The following PSMG3 variants were observed in gnomAD, a reference collection of about 807,000 sequenced individuals.
PSMG3 encodes PAC-3.
In PSMG3, 4 loss-of-function variants were observed where a neutral mutation model predicts 7.9. That is an observed-to-expected ratio of 0.51 (90% CI 0.25 to 1.16). The LOEUF is 1.16. Ranked by LOEUF, PSMG3 falls within the 50% of genes most tolerant of loss-of-function variation. The pLI is 0.15. For synonymous variants in PSMG3, 81 were observed against 69.8 expected, an observed-to-expected ratio of 1.16 and a Z score of -0.80; for missense variants, 151 against 157.4, an observed-to-expected ratio of 0.96 and a Z score of 0.22.
Position 1,569,259 on chromosome 7 carries a change from G to A in PSMG3, c.81C>T (p.Ala27=), listed in dbSNP as rs1778832412. 1.2e-6 allele frequency: 2 copies of A among 1,613,622 alleles called. No homozygotes were observed. Among genetic ancestry groups the A allele is most frequent in the South Asian group, 1.1e-5 (1 of 91,080 alleles). The change falls in exon 1 of 2, where the codon GCC becomes GCT. Residue 27 remains alanine, a synonymous_variant. Transcript: ENST00000288607. ...CGVPTQVVCT[A]FSSHILVVVT... is the part of the protein sequence containing the mutation. ...CCACCACCAGGATGTGACTGCTGAA[G>A]GCCGTACACACCACCTGGGTGGGGA...
At chr7:1,568,568 C>T (rs10239460) in intron 1 of PSMG3, among the ~76,000 whole-genome samples, 11,350 of 151,852 alleles carry the variant, frequency 0.075, 586 homozygotes, top group Middle Eastern at 0.16. Flanking sequence ...AGGGCTCAAG[C>T]CATCCTCCCA....
At chr7:1,568,059 A>AT (rs971592935) in intron 1 of PSMG3, among the ~76,000 whole-genome samples, 3 of 151,404 alleles carry the variant, frequency 2.0e-5, no homozygotes, top group Admixed American at 6.6e-5. Context: ...CACTCCATTC[A>AT]TTTTCCCAGC....
chr7:1,568,996 TTGTG>T, intron 1 of PSMG3, 124 bp downstream of exon 1: 1 of 723,686 alleles, frequency 1.4e-6, no homozygotes, highest in Non-Finnish European at 2.4e-6. Flanking sequence ...TTGTAGTGAC[TTGTG>T]TGTGTGTTGT....
Position 1,567,540 on chromosome 7 carries a change from G to A in PSMG3, c.*158C>T. On this transcript the variant is annotated 3_prime_UTR_variant, in exon 2 of 2. Transcript: ENST00000288607. ...TGCACAGATGATCTTAGTAACCAGA[G>A]TAAGAGTCTGCCTGAGACACGAGTC... 3.0e-6 allele frequency: 2 copies of A among 662,860 alleles called. No individual in the cohort carries two copies. The highest frequency in any genetic ancestry group is 2.5e-6 in the Non-Finnish European group (1 of 392,282). The allele number at this position is 662,860 out of a possible 1,614,324, so 41.1% of individuals were successfully genotyped here.
chr7:1,568,014 A>G (rs1778806800), intron 1 of PSMG3, among the ~76,000 whole-genome samples, 164 bp from the exon 2 acceptor site: 1 of 152,092 alleles, frequency 6.6e-6, no homozygotes, highest in Non-Finnish European at 1.5e-5. Context: ...CAGCACTCAG[A>G]ACACTCCAGT....
rs764135993 is a variant in PSMG3 at position 1,569,341 on chromosome 7, G to A, written c.-2C>T. 3 of 1,598,290 alleles carry A rather than the reference G, an allele frequency of 1.9e-6. No individual in the cohort carries two copies. In the African/African-American group the frequency reaches 4.0e-5, roughly 21 times the overall value. On this transcript the variant is annotated 5_prime_UTR_variant, in exon 1 of 2. Transcript: ENST00000288607. ...TATCACCAACGGCGTGTCTTCCATG[G>A]CGGGGCTCTGCAGTGGCAGCTTTAA...
chr7:1,568,741 G>A (rs373096095), intron 1 of PSMG3, among the ~76,000 whole-genome samples: 1 of 152,046 alleles, frequency 6.6e-6, no homozygotes, highest in Non-Finnish European at 1.5e-5. Context: ...TCCGCCTCTC[G>A]GGTTCAAGCG....
rs60165118 is a variant in PSMG3 at position 1,569,605 on chromosome 7, CAAAAAAA to C, written c.-273_-267del. 7.8e-5 allele frequency: 8 copies of C among 102,128 alleles called. No homozygotes were observed. The highest frequency in any genetic ancestry group is 2.5e-4 in the South Asian group (1 of 3,986). 6.3% of individuals were successfully genotyped at this position (102,128 alleles called of 1,614,324 possible). On this transcript the variant is annotated 5_prime_UTR_variant, in exon 1 of 2. The change abolishes the stop of an existing upstream ORF in the 5' untranslated region. Coordinates refer to ENST00000288607, the MANE Select transcript of PSMG3 (RefSeq NM_032302.4). ...AACATAGCGAGACCCCCATCTCTAC[CAAAAAAA>C]AAAAAAAAAAAAACCAGCAGGGCGC...
Position 1,569,425 on chromosome 7 carries a change from TC to T in PSMG3, c.-87del. ...CAATCAAACAGTACAGCCTTGGGGC[TC>T]CCAAAAAAGTAGCACGGGGCATTGA... On this transcript the variant is annotated 5_prime_UTR_variant, in exon 1 of 2. The change abolishes the stop of an existing upstream ORF in the 5' untranslated region. Coordinates refer to ENST00000288607, the MANE Select transcript of PSMG3 (RefSeq NM_032302.4). The T allele has an allele frequency of 8.5e-7, 1 of 1,182,714 alleles. No homozygotes were observed. The highest frequency in any genetic ancestry group is 1.2e-6 in the Non-Finnish European group (1 of 861,928). 73.3% of individuals were successfully genotyped at this position (1,182,714 alleles called of 1,614,324 possible). A position where few individuals can be genotyped will look rare whatever the true frequency, so the allele number is the denominator to read the frequency against.
In PSMG3 at chr7:1,569,158, A is replaced by G. The variant is rs113125524; in HGVS notation, c.182T>C (p.Val61Ala). 6 of 1,613,528 alleles carry G rather than the reference A, an allele frequency of 3.7e-6. No individual in the cohort carries two copies. The highest frequency in any genetic ancestry group is 5.1e-6 in the Non-Finnish European group (6 of 1,180,030). The change falls in exon 1 of 2, where the codon GTG (valine) becomes GCG (alanine). Residue 61 changes from valine to alanine, a missense_variant. Val to Ala is a moderately conservative substitution (Grantham distance 64). Transcript: ENST00000288607. ...CCCCAGAAGGACTTTTGTGGTGAGCACAGGCTTGCTGACGTCACTGGCCAC... is the reference window on the plus strand; with the variant it reads ...CCCCAGAAGGACTTTTGTGGTGAGCGCAGGCTTGCTGACGTCACTGGCCAC... Reference protein sequence around the residue: ...SSVASDVSKPVLTTKVLLGQD... With the variant: ...SSVASDVSKPALTTKVLLGQD...
chr7:1,568,406 C>A (rs1329028227), intron 1 of PSMG3, among the ~76,000 whole-genome samples: 1 of 151,910 alleles, frequency 6.6e-6, no homozygotes, highest in Non-Finnish European at 1.5e-5. Context: ...CAAATCACAG[C>A]CACTGGAGAG....
rs1011766224 is a variant in PSMG3, at chr7:1,569,742, G to A, written c.-403C>T. ...ATCACACCATTGCATTACAACCCGG[G>A]CGGTAGAGCGAGACCCTGTCCGTAA... On this transcript the variant is annotated 5_prime_UTR_variant, in exon 1 of 2. Coordinates refer to ENST00000288607, the MANE Select transcript of PSMG3 (RefSeq NM_032302.4). 1 of 166,062 alleles carries A rather than the reference G, an allele frequency of 6.0e-6. No individual in the cohort carries two copies. Among genetic ancestry groups the A allele is most frequent in the Admixed American group, 6.0e-5 (1 of 16,594 alleles). The allele number at this position is 166,062 out of a possible 1,614,324, so 10.3% of individuals were successfully genotyped here. A position where few individuals can be genotyped will look rare whatever the true frequency, so the allele number is the denominator to read the frequency against.
Position 1,567,836 on chromosome 7 carries a change from GAC to G in PSMG3, c.229_230del (p.Val77LeufsTer60). 1.2e-6 allele frequency: 2 copies of G among 1,613,698 alleles called. No homozygotes were observed. The highest frequency in any genetic ancestry group is 2.2e-5 in the South Asian group (2 of 90,962). ...LLGQDEPLIH[V>X]FAKNLVAFVS... is the part of the protein sequence containing the mutation. Reference sequence around the variant, plus strand: ...CAAACGCTACCAGGTTCTTTGCAAAGACATGGATGAGAGGCTGGTAAAGGAAG... The same window carrying G: ...CAAACGCTACCAGGTTCTTTGCAAAGATGGATGAGAGGCTGGTAAAGGAAG... On this transcript the variant is annotated frameshift_variant, in exon 2 of 2. Transcript: ENST00000288607. LOFTEE classifies it high-confidence loss of function.
Position 1,569,999 on chromosome 7 carries a change from C to G in PSMG3, c.-660G>C, listed in dbSNP as rs1248377291. 1 of 151,974 alleles carries G rather than the reference C, an allele frequency of 6.6e-6. No homozygotes were observed. Among genetic ancestry groups the G allele is most frequent in the Non-Finnish European group, 1.5e-5 (1 of 67,970 alleles). The allele number at this position is 151,974 out of a possible 1,614,324, so 9.4% of individuals were successfully genotyped here. On this transcript the variant is annotated 5_prime_UTR_variant, in exon 1 of 2. Coordinates refer to ENST00000288607, the MANE Select transcript of PSMG3 (RefSeq NM_032302.4). ...GCCGCCCGGGGAAGCCCGCGGGTACCCGCGCTCACCAAGCCGGCGCCGCGC... is the reference window on the plus strand; with the variant it reads ...GCCGCCCGGGGAAGCCCGCGGGTACGCGCGCTCACCAAGCCGGCGCCGCGC...
In PSMG3 at chr7:1,569,736, A is replaced by G. The variant is rs1275817805; in HGVS notation, c.-397T>C. The G allele has an allele frequency of 1.2e-5, 2 of 166,864 alleles. No homozygotes were observed. Among genetic ancestry groups the G allele is most frequent in the African/African-American group, 4.8e-5 (2 of 41,870 alleles). 10.3% of individuals were successfully genotyped at this position (166,864 alleles called of 1,614,324 possible). Reference sequence around the variant, plus strand: ...GCCGTGATCACACCATTGCATTACAACCCGGGCGGTAGAGCGAGACCCTGT... The same window carrying G: ...GCCGTGATCACACCATTGCATTACAGCCCGGGCGGTAGAGCGAGACCCTGT... On this transcript the variant is annotated 5_prime_UTR_variant, in exon 1 of 2. Transcript: ENST00000288607.
chr7:1,569,290 C>T lies in PSMG3; in HGVS notation c.50G>A (p.Cys17Tyr). ...VISKQKTEVV[C>Y]GVPTQVVCTA... ...ACACACCACCTGGGTGGGGACCCCG[C>T]ACACCACCTCCGTCTTCTGCTTCGA... The change falls in exon 1 of 2, where the codon TGC (cysteine) becomes TAC (tyrosine). Residue 17 changes from cysteine (C) to tyrosine (Y), a missense_variant. Cys to Tyr is a radical substitution (Grantham distance 194, BLOSUM62 -2). Coordinates refer to ENST00000288607, the MANE Select transcript of PSMG3 (RefSeq NM_032302.4). 1.2e-6 allele frequency: 2 copies of T among 1,612,886 alleles called. No homozygotes were observed. Among genetic ancestry groups the T allele is most frequent in the Admixed American group, 3.3e-5 (2 of 59,994 alleles).
Position 1,569,243 on chromosome 7 carries a change from G to T in PSMG3, c.97C>A (p.Leu33Met). Residue 33 changes from leucine to methionine, a missense_variant, in exon 1 of 2, where the codon CTG (leucine) becomes ATG (methionine). By Grantham distance (15) the Leu-to-Met change is conservative. Transcript: ENST00000288607. ...TTCCCAAACTGGGTCACCACCACCAGGATGTGACTGCTGAAGGCCGTACAC... is the reference window on the plus strand; with the variant it reads ...TTCCCAAACTGGGTCACCACCACCATGATGTGACTGCTGAAGGCCGTACAC... The part of the protein sequence containing the change: ...VVCTAFSSHI[L>M]VVVTQFGKMG... The T allele has an allele frequency of 6.2e-7, 1 of 1,613,790 alleles. No homozygotes were observed. Among genetic ancestry groups the T allele is most frequent in the South Asian group, 1.1e-5 (1 of 91,090 alleles).
rs182464580 is a variant in PSMG3 at position 1,567,552 on chromosome 7, C to G, written c.*146G>C. ...CTTAGTAACCAGAGTAAGAGTCTGC[C>G]TGAGACACGAGTCTTTTTTCCTGGC... On this transcript the variant is annotated 3_prime_UTR_variant, in exon 2 of 2. Coordinates refer to ENST00000288607, the MANE Select transcript of PSMG3 (RefSeq NM_032302.4). 143 of 724,512 alleles carry G rather than the reference C, an allele frequency of 2.0e-4. No homozygotes were observed. Among genetic ancestry groups the G allele is most frequent in the Non-Finnish European group, 3.0e-4 (132 of 440,644 alleles). 44.9% of individuals were successfully genotyped at this position (724,512 alleles called of 1,614,324 possible).
Position 1,568,725 on chromosome 7 carries a change from G to A in PSMG3, c.216+399C>T, listed in dbSNP as rs1051103771. Among the ~76,000 whole-genome samples the A allele has an allele frequency of 3.3e-5, 5 of 151,914 alleles. No homozygotes were observed. The East Asian group carries it at 9.6e-4, about 29-fold the overall frequency. On this transcript the variant is annotated intron_variant, in intron 1 of 1. Transcript: ENST00000288607. ...TGCTGTGGCACGATCTTAGCTCACTGCAACCTCCGCCTCTCGGGTTCAAGC... is the reference window on the plus strand; with the variant it reads ...TGCTGTGGCACGATCTTAGCTCACTACAACCTCCGCCTCTCGGGTTCAAGC...
Sources: gnomAD v4.1 joint callset for allele counts (sites outside exome capture counted in the v4.1 genomes callset) on GRCh38, gnomAD v4.1.1 for gene constraint, MANE v1.5 for transcripts, NCBI Gene and HGNC (gene_info 2026-07-23, HGNC 2026-07-21) for gene names.